CSRP2: variants seen among roughly 807,000 people sequenced by gnomAD.
CSRP2 encodes cysteine and glycine rich protein 2.
Under a neutral mutation model 24.6 loss-of-function variants are expected in CSRP2, and 18 were observed. The ratio of observed to expected loss-of-function variants is 0.73; its 90% CI spans 0.51 to 1.09. The LOEUF (loss-of-function observed/expected upper bound fraction) is 1.09, where lower values mean the gene tolerates loss of function less well. Ranked by LOEUF, CSRP2 falls within the 50% of genes least tolerant of loss-of-function variation. The pLI is 0.00. For missense variants in CSRP2, 215 were observed against 239.4 expected, an observed-to-expected ratio of 0.90 and a Z score of 0.67; for synonymous variants, 87 against 84.3, an observed-to-expected ratio of 1.03 and a Z score of -0.18.
chr12:76,863,292 C>T lies in CSRP2; in HGVS notation c.165G>A (p.Glu55=), dbSNP rs1953703565. The T allele has an allele frequency of 2.5e-6, 4 of 1,614,246 alleles. No individual in the cohort carries two copies. Among genetic ancestry groups the T allele is most frequent in the Non-Finnish European group, 2.5e-6 (3 of 1,180,050 alleles). The change falls in exon 3 of 6, where the codon GAG becomes GAA. Residue 55 remains glutamate, a synonymous_variant. Transcript: ENST00000311083. ...DSTTVAIHDE[E]IYCKSCYGKK... is the part of the protein sequence containing the mutation. ...TTCCGTAGCAGGATTTGCAGTAGAT[C>T]TCTTCATCGTGAATTGCCACTGTTG...
At chr12:76,863,130 C>T in intron 3 of CSRP2, 46 bp downstream of exon 3, 1 of 1,567,784 alleles carries the variant, frequency 6.4e-7, no homozygotes, top group Non-Finnish European at 8.7e-7. Context: ...GCGGCACTAA[C>T]TGTCGCAACT....
At chr12:76,874,698 G>A (rs1262723903) in intron 1 of CSRP2, among the ~76,000 whole-genome samples, 2 of 152,206 alleles carry the variant, frequency 1.3e-5, no homozygotes, top group Admixed American at 6.5e-5. Flanking sequence ...ACAGCAGGAG[G>A]TGAGTGGAGG....
rs1427639109 is a variant in CSRP2 at position 76,866,216 on chromosome 12, C to G, written c.45G>C (p.Arg15Ser). The G allele has an allele frequency of 5.0e-6, 8 of 1,614,050 alleles. No homozygotes were observed. The change falls in exon 2 of 6, where the codon AGG becomes AGC. Residue 15 changes from arginine (R) to serine (S), a missense_variant. Arg to Ser is a moderately radical substitution (Grantham distance 110). Transcript: ENST00000311083. Reference sequence around the variant, plus strand: ...GCACCTCTTCTGCGTGGTACACGGTCCTCCCACAGGCCCCACACTTGTTTC... The same window carrying G: ...GCACCTCTTCTGCGTGGTACACGGTGCTCCCACAGGCCCCACACTTGTTTC... ...GGGNKCGACG[R>S]TVYHAEEVQC...
At position 76,874,614 on chromosome 12, in the gene CSRP2, G is replaced by A. The variant is rs12310379; in HGVS notation, c.-2+4324C>T. ...TTAGGTCAAGGGTTCCAACCCCCAG[G>A]CCACAGACCGATGGCTGTGTTTTGT... is the stretch of plus-strand genomic sequence containing the variant. On this transcript the variant is annotated intron_variant, in intron 1 of 5. Coordinates refer to ENST00000311083, the MANE Select transcript of CSRP2 (RefSeq NM_001321.3). Among the ~76,000 whole-genome samples the A allele has an allele frequency of 3.7e-3, 569 of 152,278 alleles. 6 individuals are homozygous for A. The highest frequency in any genetic ancestry group is 0.013 in the African/African-American group (522 of 41,552).
At chr12:76,862,975 T>C (rs1953699056) in intron 3 of CSRP2, 1 of 1,463,190 alleles carries the variant, frequency 6.8e-7, no homozygotes, top group East Asian at 2.5e-5. Flanking sequence ...AAGCCAGAAG[T>C]AGAAATCACT....
chr12:76,860,431 A>G lies in CSRP2; in HGVS notation c.282-18T>C, dbSNP rs761600446. 1 of 1,611,990 alleles carries G rather than the reference A, an allele frequency of 6.2e-7. No homozygotes were observed. The highest frequency in any genetic ancestry group is 2.2e-5 in the East Asian group (1 of 44,838). On this transcript the variant is annotated intron_variant, in intron 3 of 5. Transcript: ENST00000311083. ...GCTGAACACTTGTGAAAAGAGGAAAAAAAAAGTAGGCAAGAGTTTCCACAG... is the reference window on the plus strand; with the variant it reads ...GCTGAACACTTGTGAAAAGAGGAAAGAAAAAGTAGGCAAGAGTTTCCACAG...
chr12:76,866,577 G>T (rs1383129460), intron 1 of CSRP2, among the ~76,000 whole-genome samples: 1 of 152,052 alleles, frequency 6.6e-6, no homozygotes, highest in Non-Finnish European at 1.5e-5. Flanking sequence ...AGTTAAGAAA[G>T]AAGCGTGGGG....
chr12:76,878,469 G>A (rs1953874108), intron 1 of CSRP2, among the ~76,000 whole-genome samples: 1 of 152,134 alleles, frequency 6.6e-6, no homozygotes, highest in Admixed American at 6.5e-5. Context: ...ACAGAACCCA[G>A]TAAGGTCGCC....
intron 3 of CSRP2, chr12:76,862,816 C>T: frequency 6.7e-7 from 1 of 1,489,240 alleles, no homozygotes; most frequent in Non-Finnish European, 8.9e-7. Flanking sequence ...TTACATTGCA[C>T]ATGAGAAACA....
chr12:76,868,214 C>T (rs10746290), intron 1 of CSRP2, among the ~76,000 whole-genome samples: 92,904 of 152,068 alleles, frequency 0.61, 28,470 homozygotes, highest in East Asian at 0.67. Flanking sequence ...TGAACTCATC[C>T]TGTTGAACAG....
At chr12:76,872,008 G>T (rs1019462135) in intron 1 of CSRP2, among the ~76,000 whole-genome samples, 2 of 152,140 alleles carry the variant, frequency 1.3e-5, no homozygotes, top group Non-Finnish European at 2.9e-5. Flanking sequence ...AGCAATCTGG[G>T]CTGCATGCCT....
chr12:76,876,052 A>G (rs1397708383), intron 1 of CSRP2, among the ~76,000 whole-genome samples: 1 of 152,174 alleles, frequency 6.6e-6, no homozygotes, highest in Non-Finnish European at 1.5e-5. Flanking sequence ...TGGCTATGGC[A>G]TAGGTTCTTC....
At chr12:76,860,590 G>A in intron 3 of CSRP2, 177 bp from the exon 4 acceptor site, 1 of 632,598 alleles carries the variant, frequency 1.6e-6, no homozygotes, top group East Asian at 2.8e-5. Context: ...GCCAGCCAGA[G>A]TTACTACTTG....
chr12:76,859,898 G>A (rs1321802718), intron 4 of CSRP2, among the ~76,000 whole-genome samples: 1 of 152,130 alleles, frequency 6.6e-6, no homozygotes, highest in Non-Finnish European at 1.5e-5. Flanking sequence ...TCTTTTTTCT[G>A]GCCAAGAACA....
At chr12:76,872,507 T>A (rs757578724) in intron 1 of CSRP2, among the ~76,000 whole-genome samples, 5 of 152,242 alleles carry the variant, frequency 3.3e-5, no homozygotes, top group Non-Finnish European at 7.3e-5. Context: ...ATGTGGGCCA[T>A]GCAAATGCCC....
chr12:76,860,533 T>A, intron 3 of CSRP2, 120 bp from the exon 4 acceptor site: 1 of 1,218,298 alleles, frequency 8.2e-7, no homozygotes, highest in Non-Finnish European at 1.1e-6. Context: ...GCTGGAAGCC[T>A]TTGCAGGCCA....
intron 1 of CSRP2, among the ~76,000 whole-genome samples, chr12:76,873,432 T>G (rs947196954): frequency 6.6e-6 from 1 of 152,198 alleles, no homozygotes; most frequent in African/African-American, 2.4e-5. Context: ...AGTCTACTTC[T>G]CTTACGGAAG....
Position 76,863,333 on chromosome 12 carries a change from T to C in CSRP2, c.124A>G (p.Lys42Glu). ...RCCFLCMVCR[K>E]NLDSTTVAIH... ...GCCACTGTTGTGCTATCTAAATTTT[T>C]CCTGCAAACCACTGCAGGGGAAAAA... Residue 42 changes from lysine to glutamate, a missense_variant, in exon 3 of 6, where the codon AAA (lysine) becomes GAA (glutamate). By Grantham distance (56) the Lys-to-Glu change is moderately conservative. Coordinates refer to ENST00000311083, the MANE Select transcript of CSRP2 (RefSeq NM_001321.3). The C allele has an allele frequency of 6.2e-7, 1 of 1,614,128 alleles. No individual in the cohort carries two copies. The highest frequency in any genetic ancestry group is 1.3e-5 in the African/African-American group (1 of 75,080).
At chr12:76,861,001 T>C (rs1953671061) in intron 3 of CSRP2, 1 of 152,268 alleles carries the variant, frequency 6.6e-6, no homozygotes, top group Admixed American at 6.5e-5. Context: ...ATTATTACTA[T>C]GCAATCTGTT....
Sources: allele counts gnomAD v4.1 joint callset (sites outside exome capture counted in the v4.1 genomes callset), GRCh38; gene constraint gnomAD v4.1.1; transcripts MANE v1.5; gene names NCBI Gene and HGNC (gene_info 2026-07-23, HGNC 2026-07-21).